The following CNTNAP2 variants were observed in gnomAD, a reference collection of about 807,000 sequenced individuals.
CNTNAP2 encodes contactin associated protein 2.
In CNTNAP2, 98 loss-of-function variants were observed where a neutral mutation model predicts 155.2. The ratio of observed to expected loss-of-function variants is 0.63; its 90% CI spans 0.54 to 0.75. The LOEUF is 0.75. CNTNAP2 is among the 30% of genes least tolerant of loss of function. The pLI, the probability that CNTNAP2 is intolerant of heterozygous loss-of-function variation, is 0.00. For synonymous variants in CNTNAP2, 651 were observed against 631.2 expected (o/e 1.03, Z -0.47); for missense variants, 1,727 against 1,688.1 (o/e 1.02, Z -0.40).
chr7:147,929,092 CAAAAAA>C (rs66584239), intron 14 of CNTNAP2, among the ~76,000 whole-genome samples: 12 of 34,632 alleles, frequency 3.5e-4, no homozygotes, highest in African/African-American at 6.3e-4. Flanking sequence ...AACTCCATCC[CAAAAAA>C]AAAAAAAAAA....
intron 9 of CNTNAP2, among the ~76,000 whole-genome samples, chr7:147,341,172 T>G (rs984258197): frequency 5.9e-5 from 9 of 151,430 alleles, no homozygotes; most frequent in African/African-American, 2.2e-4. Flanking sequence ...CATGTAAAAA[T>G]TGTATGTAGA....
At chr7:148,115,143 TAGTG>T (rs1804439985) in intron 15 of CNTNAP2, among the ~76,000 whole-genome samples, 1 of 152,236 alleles carries the variant, frequency 6.6e-6, no homozygotes, top group South Asian at 2.1e-4. Context: ...TGAAGTTGCT[TAGTG>T]AGCATAGAAT....
At chr7:147,251,548 A>G (rs1217378576) in intron 8 of CNTNAP2, among the ~76,000 whole-genome samples, 1 of 152,156 alleles carries the variant, frequency 6.6e-6, no homozygotes, top group African/African-American at 2.4e-5. Flanking sequence ...GGGTAGCACT[A>G]AAGAGAATTA....
chr7:146,767,720 T>A (rs1802222215), intron 1 of CNTNAP2, among the ~76,000 whole-genome samples: 1 of 152,204 alleles, frequency 6.6e-6, no homozygotes, highest in Admixed American at 6.5e-5. Context: ...GAGCATACAT[T>A]TTTATAGCAT....
intron 13 of CNTNAP2, among the ~76,000 whole-genome samples, chr7:147,836,868 A>G (rs568619949): frequency 1.3e-5 from 2 of 152,348 alleles, no homozygotes; most frequent in East Asian, 1.9e-4. Context: ...AAAAATCTGT[A>G]CATAGTCATA....
intron 21 of CNTNAP2, among the ~76,000 whole-genome samples, chr7:148,274,322 C>T (rs1028653783): frequency 6.6e-6 from 1 of 151,576 alleles, no homozygotes; most frequent in Non-Finnish European, 1.5e-5. Flanking sequence ...CTTGGCCTGT[C>T]CTGACTGAGG....
intron 23 of CNTNAP2, among the ~76,000 whole-genome samples, chr7:148,409,857 T>A (rs372687510): frequency 1.3e-5 from 1 of 79,438 alleles, no homozygotes; most frequent in African/African-American, 5.7e-5. Flanking sequence ...CGAGACCATC[T>A]TGGCTAACAC....
chr7:147,311,661 G>T (rs1405734909), intron 9 of CNTNAP2, among the ~76,000 whole-genome samples: 1 of 151,920 alleles, frequency 6.6e-6, no homozygotes, highest in Non-Finnish European at 1.5e-5. Context: ...GTAGTTACAG[G>T]AAGTTATTTT....
chr7:147,540,857 C>T (rs1367357831), intron 11 of CNTNAP2, among the ~76,000 whole-genome samples: 1 of 151,390 alleles, frequency 6.6e-6, no homozygotes, highest in East Asian at 1.9e-4. Flanking sequence ...GTTAATGAAA[C>T]AAAATTTTCT....
chr7:147,539,823 G>A (rs1035527569), intron 11 of CNTNAP2, among the ~76,000 whole-genome samples: 1 of 152,154 alleles, frequency 6.6e-6, no homozygotes, highest in Admixed American at 6.5e-5. Flanking sequence ...TTCTTTCTTT[G>A]TTATTACAGA....
chr7:146,923,882 G>A (rs924219454), intron 3 of CNTNAP2, among the ~76,000 whole-genome samples: 2 of 152,056 alleles, frequency 1.3e-5, no homozygotes, highest in Non-Finnish European at 2.9e-5. Context: ...GAATATTCCT[G>A]GGACCTATCC....
chr7:147,073,691 G>A (rs1799941725), intron 4 of CNTNAP2, among the ~76,000 whole-genome samples: 1 of 152,122 alleles, frequency 6.6e-6, no homozygotes, highest in South Asian at 2.1e-4. Context: ...AGGGAGATGT[G>A]ACAAGAAAGC....
intron 12 of CNTNAP2, among the ~76,000 whole-genome samples, chr7:147,587,571 G>T (rs1800654617): frequency 6.6e-6 from 1 of 152,136 alleles, no homozygotes; most frequent in South Asian, 2.1e-4. Context: ...CTAGACTGCT[G>T]CTGAACGTCA....
chr7:147,880,854 GGT>G (rs71183032), intron 13 of CNTNAP2, among the ~76,000 whole-genome samples: 4,857 of 143,034 alleles, frequency 0.034, 112 homozygotes, highest in African/African-American at 0.074. Flanking sequence ...ATTGGAGTTG[GGT>G]GTGTGTGTGT....
chr7:146,300,200 G>A (rs1800582587), intron 1 of CNTNAP2, among the ~76,000 whole-genome samples: 1 of 152,120 alleles, frequency 6.6e-6, no homozygotes, highest in Non-Finnish European at 1.5e-5. Flanking sequence ...CAATCCACAT[G>A]TAGAGTATAA....
At chr7:147,981,710 C>T (rs1801532744) in intron 15 of CNTNAP2, among the ~76,000 whole-genome samples, 1 of 151,854 alleles carries the variant, frequency 6.6e-6, no homozygotes. Flanking sequence ...AATCAAAATG[C>T]TAAAGAAAAT....
chr7:146,141,053 G>C (rs1236747344), intron 1 of CNTNAP2, among the ~76,000 whole-genome samples: 1 of 152,140 alleles, frequency 6.6e-6, no homozygotes, highest in African/African-American at 2.4e-5. Context: ...AAAGTATATT[G>C]CATAGTTTTA....
chr7:146,559,457 A>G (rs1390583520), intron 1 of CNTNAP2, among the ~76,000 whole-genome samples: 2 of 151,760 alleles, frequency 1.3e-5, no homozygotes, highest in Non-Finnish European at 2.9e-5. Flanking sequence ...AGTCCCAGCT[A>G]CTCGGGAGGC....
intron 13 of CNTNAP2, among the ~76,000 whole-genome samples, chr7:147,681,449 C>G (rs1183433127): frequency 6.6e-6 from 1 of 151,796 alleles, no homozygotes; most frequent in African/African-American, 2.4e-5. Flanking sequence ...AACTTTTTCC[C>G]CCATGCTAGA....
Sources: gnomAD v4.1 joint callset for allele counts (sites outside exome capture counted in the v4.1 genomes callset) on GRCh38, gnomAD v4.1.1 for gene constraint, MANE v1.5 for transcripts, NCBI Gene and HGNC (gene_info 2026-07-23, HGNC 2026-07-21) for gene names.